Variants in PPP1R16B observed in about 807,000 individuals in gnomAD.
PPP1R16B encodes protein phosphatase 1 regulatory inhibitor subunit 16B.
PPP1R16B carries 14 observed loss-of-function variants against 61.7 expected under a neutral mutation model. The ratio of observed to expected loss-of-function variants is 0.23; its 90% CI spans 0.15 to 0.35. PPP1R16B has a LOEUF of 0.35. PPP1R16B is among the 10% of genes least tolerant of loss of function. The pLI is 1.00. For synonymous variants in PPP1R16B, 266 were observed against 305.3 expected, an observed-to-expected ratio of 0.87 and a Z score of 1.34; for missense variants, 547 against 752.5, an observed-to-expected ratio of 0.73 and a Z score of 3.19.
chr20:38,885,599 C>T lies in PPP1R16B; in HGVS notation c.251-3996C>T, dbSNP rs964585770. On this transcript the variant is annotated intron_variant, in intron 2 of 10. Transcript: ENST00000299824. ...CCTGGGCTTTGAAATCAGAGAGGCC[C>T]GGTGCCAAATCCCTGCTCCTTAATT... Among the ~76,000 whole-genome samples, 8 of 152,256 alleles carry T rather than the reference C, an allele frequency of 5.3e-5. No homozygotes were observed. The East Asian group carries it at 7.7e-4, about 15-fold the overall frequency.
intron 5 of PPP1R16B, among the ~76,000 whole-genome samples, chr20:38,901,207 C>T (rs1056546865): frequency 6.6e-6 from 1 of 152,166 alleles, no homozygotes; most frequent in African/African-American, 2.4e-5. Context: ...TGAAGCGCCA[C>T]CTCCTTGGAA....
intron 1 of PPP1R16B, among the ~76,000 whole-genome samples, chr20:38,807,632 C>T (rs1474351519): frequency 3.3e-5 from 5 of 152,284 alleles, no homozygotes; most frequent in Non-Finnish European, 5.9e-5. Context: ...CCATGCCCTT[C>T]TCTCCCACCT....
intron 4 of PPP1R16B, among the ~76,000 whole-genome samples, chr20:38,898,718 G>C (rs1311435452): frequency 1.3e-5 from 2 of 152,198 alleles, no homozygotes; most frequent in East Asian, 3.9e-4. Context: ...GCTGAGGCAG[G>C]AGAACTGCTT....
intron 3 of PPP1R16B, among the ~76,000 whole-genome samples, chr20:38,893,742 C>G (rs2085309928): frequency 6.6e-6 from 1 of 152,088 alleles, no homozygotes; most frequent in African/African-American, 2.4e-5. Context: ...GCCGGGTCTC[C>G]CAGGTGTAGA....
chr20:38,825,956 T>A lies in PPP1R16B; in HGVS notation c.-101-9869T>A, dbSNP rs183096249. 2.5e-3 allele frequency among the ~76,000 whole-genome samples: 379 copies of A among 152,326 alleles called. 1 individual carries two copies. The highest frequency in any genetic ancestry group is 8.9e-3 in the African/African-American group (368 of 41,570). The stretch of plus-strand genomic sequence containing the variant: ...CTCCCTGTTATCACACATGGCTTCG[T>A]AATCCCTCTCCTCACAGTGCACCAA... On this transcript the variant is annotated intron_variant, in intron 1 of 10. Coordinates refer to ENST00000299824, the MANE Select transcript of PPP1R16B (RefSeq NM_015568.4).
intron 2 of PPP1R16B, among the ~76,000 whole-genome samples, chr20:38,859,152 G>C (rs996201013): frequency 6.6e-6 from 1 of 152,190 alleles, no homozygotes; most frequent in African/African-American, 2.4e-5. Context: ...CTCCACTGGG[G>C]CTGTCTTTAA....
At chr20:38,819,865 A>G (rs2084761791) in intron 1 of PPP1R16B, among the ~76,000 whole-genome samples, 1 of 152,218 alleles carries the variant, frequency 6.6e-6, no homozygotes, top group South Asian at 2.1e-4. Flanking sequence ...TCAATTTTTC[A>G]CAAACTGAAC....
At chr20:38,893,653 G>A (rs1035356411) in intron 3 of PPP1R16B, among the ~76,000 whole-genome samples, 1 of 152,016 alleles carries the variant, frequency 6.6e-6, no homozygotes, top group Non-Finnish European at 1.5e-5. Flanking sequence ...CAGCAGAGGA[G>A]GAGGCCCGCC....
chr20:38,839,115 T>C (rs1568658325), intron 2 of PPP1R16B, among the ~76,000 whole-genome samples: 1 of 151,998 alleles, frequency 6.6e-6, no homozygotes, highest in Non-Finnish European at 1.5e-5. Context: ...TTTAGTAGAG[T>C]TGGGGTTTCA....
intron 2 of PPP1R16B, among the ~76,000 whole-genome samples, chr20:38,841,379 A>AAAG (rs2084908191): frequency 2.0e-5 from 3 of 149,834 alleles, no homozygotes; most frequent in African/African-American, 7.4e-5. Context: ...AAAAAAAAAA[A>AAAG]AAGCCAGCCG....
chr20:38,895,204 T>G (rs1449841010), intron 3 of PPP1R16B, among the ~76,000 whole-genome samples: 1 of 152,226 alleles, frequency 6.6e-6, no homozygotes, highest in African/African-American at 2.4e-5. Flanking sequence ...CATATAATTT[T>G]CTTTGGAGAA....
chr20:38,911,013 C>G (rs960158963), intron 10 of PPP1R16B, among the ~76,000 whole-genome samples: 4 of 151,748 alleles, frequency 2.6e-5, no homozygotes, highest in African/African-American at 7.2e-5. Context: ...CAAAACAAAA[C>G]AAAACAAAAT....
intron 2 of PPP1R16B, among the ~76,000 whole-genome samples, chr20:38,880,187 C>T (rs1436451736): frequency 6.6e-6 from 1 of 152,110 alleles, no homozygotes; most frequent in Non-Finnish European, 1.5e-5. Flanking sequence ...CGTAAAGACA[C>T]AGACAAATCC....
intron 6 of PPP1R16B, 117 bp from the exon 7 acceptor site, chr20:38,905,852 C>T: frequency 9.6e-7 from 1 of 1,040,856 alleles, no homozygotes; most frequent in Non-Finnish European, 1.4e-6. Flanking sequence ...CCATTTCATT[C>T]TATTCCATTC....
Position 38,806,894 on chromosome 20 carries a change from A to C in PPP1R16B, c.-102+1102A>C, listed in dbSNP as rs1476495429. ...TCCCGGGCACCTCAGGAGCGGAGGGAGAGGGATGTGGCTTCATCAGCGCTT... is the reference window on the plus strand; with the variant it reads ...TCCCGGGCACCTCAGGAGCGGAGGGCGAGGGATGTGGCTTCATCAGCGCTT... On this transcript the variant is annotated intron_variant, in intron 1 of 10. Transcript: ENST00000299824. The surrounding 1 kb of genome is among the most constrained non-coding windows in gnomAD (Gnocchi z 4.5). 3.3e-5 allele frequency among the ~76,000 whole-genome samples: 5 copies of C among 152,124 alleles called. No homozygotes were observed.
Position 38,918,797 on chromosome 20 carries a change from C to A in PPP1R16B, c.*131C>A. On this transcript the variant is annotated 3_prime_UTR_variant, in exon 11 of 11. Coordinates refer to ENST00000299824, the MANE Select transcript of PPP1R16B (RefSeq NM_015568.4). The surrounding 1 kb of genome is among the most constrained non-coding windows in gnomAD (Gnocchi z 5.3). ...GCTCTGCTTTTCAGAGGAACTCAGA[C>A]CCCAGCCCTCAGCTGGCTGCCCATA... 8.8e-7 allele frequency: 1 copy of A among 1,132,612 alleles called. No homozygotes were observed. The highest frequency in any genetic ancestry group is 1.2e-6 in the Non-Finnish European group (1 of 857,688). The allele number at this position is 1,132,612 out of a possible 1,614,324, so 70.2% of individuals were successfully genotyped here.
rs563312226 is a variant in PPP1R16B at position 38,861,592 on chromosome 20, C to G, written c.250+25417C>G. 1.6e-4 allele frequency among the ~76,000 whole-genome samples: 25 copies of G among 152,248 alleles called. No homozygotes were observed. In the South Asian group the frequency reaches 4.8e-3, roughly 29 times the overall value. On this transcript the variant is annotated intron_variant, in intron 2 of 10. Coordinates refer to ENST00000299824, the MANE Select transcript of PPP1R16B (RefSeq NM_015568.4). ...CCTGGGATGGGACATCTTCTTCCCC[C>G]CCACCCTTCAGCCAGCCTGCATCAA...
intron 2 of PPP1R16B, among the ~76,000 whole-genome samples, chr20:38,851,548 A>T (rs954812403): frequency 6.6e-6 from 1 of 152,222 alleles, no homozygotes; most frequent in Non-Finnish European, 1.5e-5. Flanking sequence ...GTGATGGATC[A>T]GAGTAGCAAT....
At chr20:38,904,081 C>G (rs1169046133) in intron 6 of PPP1R16B, among the ~76,000 whole-genome samples, 1 of 148,654 alleles carries the variant, frequency 6.7e-6, no homozygotes, top group African/African-American at 2.4e-5. Context: ...CACCTGCTTC[C>G]TGAGCTCTCA....
Sources: allele counts gnomAD v4.1 joint callset (sites outside exome capture counted in the v4.1 genomes callset), GRCh38; gene constraint gnomAD v4.1.1; non-coding constraint Gnocchi (gnomAD v3.1); transcripts MANE v1.5; gene names NCBI Gene and HGNC (gene_info 2026-07-23, HGNC 2026-07-21).